The following RXFP1 variants were observed in gnomAD, a reference collection of about 807,000 sequenced individuals.
RXFP1 encodes relaxin receptor 1.
RXFP1 carries 73 observed loss-of-function variants against 89.8 expected under a neutral mutation model. The ratio of observed to expected loss-of-function variants is 0.81; its 90% CI spans 0.67 to 0.99. RXFP1 has a LOEUF of 0.99. Among genes scored for constraint, RXFP1 ranks in the 50% least tolerant of loss-of-function variants. The pLI is 0.00. For missense variants in RXFP1, 793 were observed against 895.5 expected, an observed-to-expected ratio of 0.89 and a Z score of 1.46; for synonymous variants, 277 against 305.5, an observed-to-expected ratio of 0.91 and a Z score of 0.97.
At position 158,521,991 on chromosome 4, in the gene RXFP1, T is replaced by C. The variant is rs774792947; in HGVS notation, c.15T>C (p.Ser5=). The C allele has an allele frequency of 1.6e-5, 25 of 1,608,956 alleles. No individual in the cohort carries two copies. The highest frequency in any genetic ancestry group is 2.0e-5 in the Non-Finnish European group (23 of 1,176,242). The change falls in exon 1 of 18, where the codon TCT becomes TCC. Residue 5 remains serine (S), a synonymous_variant. Coordinates refer to ENST00000307765, the MANE Select transcript of RXFP1 (RefSeq NM_021634.4). The part of the protein sequence containing the change: MTSG[S]VFFYILIFGK... ...GATAGAAGGAAATGACATCTGGTTC[T>C]GTCTTCTTCTACATCTTAATTTTTG...
chr4:158,572,114 G>C (rs1319698898), intron 1 of RXFP1, among the ~76,000 whole-genome samples: 1 of 152,106 alleles, frequency 6.6e-6, no homozygotes, highest in African/African-American at 2.4e-5. Context: ...AAAATCAATC[G>C]TGTTCTGCCC....
At chr4:158,551,893 A>C (rs1169569985) in intron 1 of RXFP1, among the ~76,000 whole-genome samples, 1 of 151,886 alleles carries the variant, frequency 6.6e-6, no homozygotes, top group Non-Finnish European at 1.5e-5. Context: ...GTGAGCCGAG[A>C]TCACACACTG....
chr4:158,593,599 G>A, intron 3 of RXFP1, 100 bp downstream of exon 3: 2 of 611,998 alleles, frequency 3.3e-6, no homozygotes, highest in Non-Finnish European at 5.3e-6. Flanking sequence ...ATCTCAATCT[G>A]GAAATCAGTT....
chr4:158,587,832 T>C (rs1044029234), intron 2 of RXFP1, among the ~76,000 whole-genome samples: 95 of 152,282 alleles, frequency 6.2e-4, no homozygotes, highest in African/African-American at 2.3e-3. Context: ...GTTATGAGGA[T>C]AAAATGGAGC....
chr4:158,580,654 A>T (rs1442026559), intron 2 of RXFP1, among the ~76,000 whole-genome samples: 1 of 152,128 alleles, frequency 6.6e-6, no homozygotes, highest in East Asian at 1.9e-4. Flanking sequence ...TCCCAATGTG[A>T]TCTTAAATGC....
At chr4:158,588,497 C>T (rs142500747) in intron 2 of RXFP1, among the ~76,000 whole-genome samples, 67 of 152,270 alleles carry the variant, frequency 4.4e-4, no homozygotes, top group African/African-American at 1.5e-3. Flanking sequence ...AGCTGCTGCT[C>T]CCGCCCCCAA....
chr4:158,544,816 A>G (rs563001390), intron 1 of RXFP1, among the ~76,000 whole-genome samples: 3 of 152,286 alleles, frequency 2.0e-5, no homozygotes, highest in East Asian at 3.9e-4. Flanking sequence ...CATGGTGTAT[A>G]TGTGCCACAT....
At chr4:158,634,463 A>C (rs1768735897) in intron 12 of RXFP1, among the ~76,000 whole-genome samples, 1 of 152,096 alleles carries the variant, frequency 6.6e-6, no homozygotes, top group Non-Finnish European at 1.5e-5. Flanking sequence ...ATTTTCTCCC[A>C]TTGTATGGGC....
intron 8 of RXFP1, among the ~76,000 whole-genome samples, chr4:158,612,612 CTTT>C (rs1158067958): frequency 5.0e-5 from 7 of 140,266 alleles, no homozygotes; most frequent in Non-Finnish European, 3.1e-5. Context: ...TCACAATATT[CTTT>C]TTTTTTTTTT....
chr4:158,594,257 T>C (rs572460276), intron 3 of RXFP1, among the ~76,000 whole-genome samples: 2 of 152,318 alleles, frequency 1.3e-5, no homozygotes, highest in South Asian at 4.1e-4. Flanking sequence ...ATCTGCTTAG[T>C]TGGTGACCCT....
At position 158,521,920 on chromosome 4, in the gene RXFP1, A is replaced by C. The variant is rs550371585; in HGVS notation, c.-57A>C. On this transcript the variant is annotated 5_prime_UTR_variant, in exon 1 of 18. Transcript: ENST00000307765. ...AACCACTGTGAGCTGTATGCGATTC[A>C]GAAACCAAGACCAAATTTTGCTCAC... 2.4e-6 allele frequency: 3 copies of C among 1,273,114 alleles called. No homozygotes were observed. In the South Asian group the frequency reaches 3.7e-5, roughly 16 times the overall value. The allele number at this position is 1,273,114 out of a possible 1,614,324, so 78.9% of individuals were successfully genotyped here.
intron 6 of RXFP1, among the ~76,000 whole-genome samples, chr4:158,608,872 A>G (rs1256002647): frequency 1.3e-5 from 2 of 152,238 alleles, no homozygotes; most frequent in African/African-American, 2.4e-5. Context: ...AGTACCTCAT[A>G]TAAGGAGAAT....
intron 1 of RXFP1, among the ~76,000 whole-genome samples, chr4:158,531,954 A>G (rs1744157551): frequency 6.6e-6 from 1 of 151,932 alleles, no homozygotes; most frequent in African/African-American, 2.4e-5. Flanking sequence ...TTTGTTTTAC[A>G]TTTAGGGGGT....
At chr4:158,639,206 T>C in intron 13 of RXFP1, 54 bp from the exon 14 acceptor site, 1 of 985,450 alleles carries the variant, frequency 1.0e-6, no homozygotes, top group Non-Finnish European at 1.6e-6. Flanking sequence ...CTCAATTTAT[T>C]AAACCATGTA....
chr4:158,583,529 T>C (rs1370751789), intron 2 of RXFP1, among the ~76,000 whole-genome samples: 1 of 152,118 alleles, frequency 6.6e-6, no homozygotes, highest in East Asian at 1.9e-4. Flanking sequence ...AAAATGTAAA[T>C]AAAACACAGG....
At chr4:158,651,503 T>G (rs1464832176) in intron 17 of RXFP1, among the ~76,000 whole-genome samples, 3 of 152,206 alleles carry the variant, frequency 2.0e-5, no homozygotes, top group Admixed American at 2.0e-4. Context: ...TAAAGGAATA[T>G]TTTTGTTAGT....
At chr4:158,608,900 T>C (rs1158568595) in intron 6 of RXFP1, among the ~76,000 whole-genome samples, 1 of 152,264 alleles carries the variant, frequency 6.6e-6, no homozygotes, top group African/African-American at 2.4e-5. Flanking sequence ...TATGTAGTTT[T>C]TTGTGTCTGG....
At chr4:158,639,622 C>G (rs1291113865) in intron 14 of RXFP1, among the ~76,000 whole-genome samples, 1 of 152,142 alleles carries the variant, frequency 6.6e-6, no homozygotes, top group Non-Finnish European at 1.5e-5. Context: ...GTAATCCCAG[C>G]ACTTTGGGCG....
intron 3 of RXFP1, among the ~76,000 whole-genome samples, chr4:158,597,791 CT>C (rs1392734946): frequency 1.3e-5 from 2 of 152,140 alleles, no homozygotes; most frequent in African/African-American, 4.8e-5. Context: ...ACCTTTCTTC[CT>C]TCCCAACCTT....
Sources: allele counts gnomAD v4.1 joint callset (sites outside exome capture counted in the v4.1 genomes callset), GRCh38; gene constraint gnomAD v4.1.1; transcripts MANE v1.5; gene names NCBI Gene and HGNC (gene_info 2026-07-23, HGNC 2026-07-21).